TBXA2R: variants seen among roughly 807,000 people sequenced by gnomAD.
TBXA2R encodes thromboxane A2 receptor, also known as prostanoid TP receptor.
In TBXA2R, 15 loss-of-function variants were observed where a neutral mutation model predicts 15.6. The observed-to-expected ratio is 0.96, with a 90% CI of 0.64 to 1.48. TBXA2R has a LOEUF of 1.48. TBXA2R is among the 40% of genes most tolerant of loss of function. The probability of loss-of-function intolerance (pLI) is 0.00; values close to 1 mark genes in which losing one functional copy is unlikely to be tolerated. For missense variants in TBXA2R, 506 were observed against 491.4 expected (o/e 1.03, Z -0.28); for synonymous variants, 280 against 241.2 (o/e 1.16, Z -1.49).
chr19:3,595,748 G>T lies in TBXA2R; in HGVS notation c.972C>A (p.Ser324Arg). 1 of 1,605,994 alleles carries T rather than the reference G, an allele frequency of 6.2e-7. No individual in the cohort carries two copies. The change falls in exon 3 of 3, where the codon AGC (serine) becomes AGA (arginine). Residue 324 changes from serine to arginine, a missense_variant. Physicochemically the swap from Ser to Arg is moderately radical, Grantham distance 110. Transcript: ENST00000375190. ...GGAGGGACAGCGACCTGGGCCGGGT[G>T]CTGAGGCGAGGCTGGAGACGCCGGA... ...AVLRRLQPRL[S>R]TRPRSLSLQP...
chr19:3,595,793 G>T lies in TBXA2R; in HGVS notation c.927C>A (p.Ile309=), dbSNP rs2032590079. 6.2e-7 allele frequency: 1 copy of T among 1,611,376 alleles called. No individual in the cohort carries two copies. Among genetic ancestry groups the T allele is most frequent in the Non-Finnish European group, 8.5e-7 (1 of 1,179,210 alleles). The part of the protein sequence containing the change: ...WNQILDPWVY[I]LFRRAVLRRL... ...GCCGGAGCACGGCGCGGCGGAACAG[G>T]ATATACACCCAGGGGTCCAGGATCT... Residue 309 remains isoleucine, a synonymous_variant, in exon 3 of 3, where the codon ATC becomes ATA. Transcript: ENST00000375190.
At chr19:3,599,157 C>CT (rs1199113541) in intron 2 of TBXA2R, among the ~76,000 whole-genome samples, 2 of 150,310 alleles carry the variant, frequency 1.3e-5, no homozygotes, top group Non-Finnish European at 3.0e-5. Flanking sequence ...TATTTTTTTT[C>CT]TTTTTTTTTA....
chr19:3,597,725 G>T (rs1313051505), intron 2 of TBXA2R, among the ~76,000 whole-genome samples: 1 of 152,132 alleles, frequency 6.6e-6, no homozygotes, highest in Middle Eastern at 3.4e-3. Flanking sequence ...GAGGTCAGGA[G>T]ATTGAGACCA....
At chr19:3,606,475 C>G (rs2145303156) in intron 1 of TBXA2R, 55 bp downstream of exon 1, 1 of 152,666 alleles carries the variant, frequency 6.6e-6, no homozygotes, top group East Asian at 1.9e-4. Flanking sequence ...CGCCCAGCAG[C>G]CCGGGCTCAC....
intron 1 of TBXA2R, 23 bp from the exon 2 acceptor site, chr19:3,600,740 C>G (rs2032721240): frequency 1.5e-6 from 2 of 1,324,058 alleles, no homozygotes; most frequent in African/African-American, 2.9e-5. Context: ...AGAAGATTTG[C>G]TTGTGATTAA....
chr19:3,600,640 C>A lies in TBXA2R; in HGVS notation c.-6G>T, dbSNP rs184230004. ...GAACTGCCGTTGGGCCACATGGCTC[C>A]GGAGCCCTGAGGGATCAGTCACCAC... On this transcript the variant is annotated 5_prime_UTR_variant, in exon 2 of 3. Coordinates refer to ENST00000375190, the MANE Select transcript of TBXA2R (RefSeq NM_001060.6). 1 of 1,611,704 alleles carries A rather than the reference C, an allele frequency of 6.2e-7. No homozygotes were observed. The highest frequency in any genetic ancestry group is 8.5e-7 in the Non-Finnish European group (1 of 1,179,486).
intron 2 of TBXA2R, among the ~76,000 whole-genome samples, chr19:3,596,357 G>GA (rs2032605153): frequency 1.2e-4 from 19 of 152,012 alleles, no homozygotes; most frequent in Admixed American, 6.6e-4. Context: ...TGCATTGCTG[G>GA]GTGACCTCAG....
Position 3,595,863 on chromosome 19 carries a change from G to C in TBXA2R, c.857C>G (p.Thr286Arg), listed in dbSNP as rs61731124. 2 of 1,610,262 alleles carry C rather than the reference G, an allele frequency of 1.2e-6. No individual in the cohort carries two copies. Among genetic ancestry groups the C allele is most frequent in the Non-Finnish European group, 1.7e-6 (2 of 1,178,770 alleles). The change falls in exon 3 of 3, where the codon ACG becomes AGG. Residue 286 changes from threonine (T) to arginine (R), a missense_variant. Transcript: ENST00000375190. Reference sequence around the variant, plus strand: ...CAAGTAGATGAGCAGCTCCTTCTCCGTGGTGCGGGACAGCTGCCCGGCGGG... The same window carrying C: ...CAAGTAGATGAGCAGCTCCTTCTCCCTGGTGCGGGACAGCTGCCCGGCGGG... ...MSPAGQLSRTTEKELLIYLRV... is the reference protein window; with the variant it reads ...MSPAGQLSRTREKELLIYLRV...
At chr19:3,601,667 C>A (rs2032741049) in intron 1 of TBXA2R, among the ~76,000 whole-genome samples, 1 of 152,186 alleles carries the variant, frequency 6.6e-6, no homozygotes, top group African/African-American at 2.4e-5. Flanking sequence ...TGGCTAATGC[C>A]TGTAATCCCA....
chr19:3,600,776 T>G, intron 1 of TBXA2R, 59 bp from the exon 2 acceptor site: 2 of 879,218 alleles, frequency 2.3e-6, no homozygotes, highest in Non-Finnish European at 1.8e-6. Flanking sequence ...TAAGTAGCTC[T>G]GGTGAACTCC....
rs200393359 is a variant in TBXA2R, at chr19:3,600,592, T to C, written c.43A>G (p.Thr15Ala). 4 of 1,612,292 alleles carry C rather than the reference T, an allele frequency of 2.5e-6. No homozygotes were observed. Among genetic ancestry groups the C allele is most frequent in the Non-Finnish European group, 3.4e-6 (4 of 1,179,598 alleles). The change falls in exon 2 of 3, where the codon ACA (threonine) becomes GCA (alanine). Residue 15 changes from threonine to alanine, a missense_variant. By Grantham distance (58) the Thr-to-Ala change is moderately conservative (BLOSUM62 0). Transcript: ENST00000375190. ...GSSLGPCFRPTNITLEERRLI... is the reference protein window; with the variant it reads ...GSSLGPCFRPANITLEERRLI... ...CGTCTCTCCTCCAGGGTAATGTTTGTGGGCCGGAAACAGGGCCCCAGGGAA... is the reference window on the plus strand; with the variant it reads ...CGTCTCTCCTCCAGGGTAATGTTTGCGGGCCGGAAACAGGGCCCCAGGGAA...
chr19:3,600,408 A>G lies in TBXA2R; in HGVS notation c.227T>C (p.Leu76Pro). The G allele has an allele frequency of 6.2e-7, 1 of 1,613,378 alleles. No homozygotes were observed. The highest frequency in any genetic ancestry group is 1.1e-5 in the South Asian group (1 of 91,086). ...GATGGTACCGGTCACCAGCAGCCCC[A>G]GGAAGTCGGTGAGGACGAGGCCGCA... is the stretch of plus-strand genomic sequence containing the variant. ...FLCGLVLTDF[L>P]GLLVTGTIVV... The change falls in exon 2 of 3, where the codon CTG (leucine) becomes CCG (proline). Residue 76 changes from leucine to proline, a missense_variant. Transcript: ENST00000375190.
chr19:3,595,768 G>C lies in TBXA2R; in HGVS notation c.952C>G (p.Arg318Gly), dbSNP rs762733238. 6.2e-7 allele frequency: 1 copy of C among 1,609,038 alleles called. No individual in the cohort carries two copies. The highest frequency in any genetic ancestry group is 8.5e-7 in the Non-Finnish European group (1 of 1,178,358). ...CGGGTGCTGAGGCGAGGCTGGAGAC[G>C]CCGGAGCACGGCGCGGCGGAACAGG... ...YILFRRAVLR[R>G]LQPRLSTRPR... Residue 318 changes from arginine (R) to glycine (G), a missense_variant, in exon 3 of 3, where the codon CGT (arginine) becomes GGT (glycine). Arg to Gly is a moderately radical substitution (Grantham distance 125). Transcript: ENST00000375190.
intron 1 of TBXA2R, among the ~76,000 whole-genome samples, chr19:3,601,522 CAA>C (rs765982921): frequency 6.4e-5 from 7 of 109,428 alleles, no homozygotes; most frequent in Non-Finnish European, 3.8e-5. Context: ...GACCCTGTCT[CAA>C]AAAAAAAAAA....
chr19:3,597,624 C>A (rs1004494645), intron 2 of TBXA2R, among the ~76,000 whole-genome samples: 2 of 151,626 alleles, frequency 1.3e-5, no homozygotes, highest in African/African-American at 4.8e-5. Context: ...CATCGAAACT[C>A]CATCTTAAAA....
In TBXA2R at chr19:3,600,543, G is replaced by A; in HGVS notation, c.92C>T (p.Ala31Val). The A allele has an allele frequency of 6.2e-7, 1 of 1,611,878 alleles. No individual in the cohort carries two copies. Among genetic ancestry groups the A allele is most frequent in the Non-Finnish European group, 8.5e-7 (1 of 1,178,938 alleles). ...CAGGCCCACCACGCAGAAGGAGGCGGCGAACCAGGGCGAGGCGATCAGCCG... is the reference window on the plus strand; with the variant it reads ...CAGGCCCACCACGCAGAAGGAGGCGACGAACCAGGGCGAGGCGATCAGCCG... ...ERRLIASPWFAASFCVVGLAS... is the reference protein window; with the variant it reads ...ERRLIASPWFVASFCVVGLAS... The change falls in exon 2 of 3, where the codon GCC becomes GTC. Residue 31 changes from alanine (A) to valine (V), a missense_variant. Ala to Val is a moderately conservative substitution (Grantham distance 64). Coordinates refer to ENST00000375190, the MANE Select transcript of TBXA2R (RefSeq NM_001060.6).
intron 1 of TBXA2R, among the ~76,000 whole-genome samples, chr19:3,602,564 G>A (rs1018691403): frequency 6.6e-6 from 1 of 151,866 alleles, no homozygotes; most frequent in East Asian, 1.9e-4. Flanking sequence ...TGGTGAAACC[G>A]CATCTCAACT....
chr19:3,604,963 G>A (rs1229956033), intron 1 of TBXA2R, among the ~76,000 whole-genome samples: 1 of 152,148 alleles, frequency 6.6e-6, no homozygotes, highest in Non-Finnish European at 1.5e-5. Context: ...CCCCCACATG[G>A]TAGCGGAGGC....
In TBXA2R at chr19:3,595,554, A is replaced by T. The variant is rs1005484389; in HGVS notation, c.*134T>A. Reference sequence around the variant, plus strand: ...GGGTCCCCGGGTTGGATTGGGGTCAACCCAAAACCCTGCTGCTGATGCCCA... The same window carrying T: ...GGGTCCCCGGGTTGGATTGGGGTCATCCCAAAACCCTGCTGCTGATGCCCA... On this transcript the variant is annotated 3_prime_UTR_variant, in exon 3 of 3. Transcript: ENST00000375190. 1 of 1,445,486 alleles carries T rather than the reference A, an allele frequency of 6.9e-7. No homozygotes were observed. 89.5% of individuals were successfully genotyped at this position (1,445,486 alleles called of 1,614,324 possible). A position where few individuals can be genotyped will look rare whatever the true frequency, so the allele number is the denominator to read the frequency against.
Sources: allele counts gnomAD v4.1 joint callset (sites outside exome capture counted in the v4.1 genomes callset), GRCh38; gene constraint gnomAD v4.1.1; transcripts MANE v1.5; gene names NCBI Gene and HGNC (gene_info 2026-07-23, HGNC 2026-07-21).